Variants in SH3RF3 observed in about 807,000 individuals in gnomAD.
SH3RF3 encodes E3 ubiquitin-protein ligase SH3RF3.
In SH3RF3, 29 loss-of-function variants were observed where a neutral mutation model predicts 66.3. The observed-to-expected ratio is 0.44, with a 90% CI of 0.33 to 0.60. The LOEUF is 0.60. SH3RF3 is among the 20% of genes least tolerant of loss of function. The probability of loss-of-function intolerance (pLI) is 0.04; values close to 1 mark genes in which losing one functional copy is unlikely to be tolerated. For missense variants in SH3RF3, 1,194 were observed against 1,190.9 expected (o/e 1.00, Z -0.04); for synonymous variants, 583 against 532.0 (o/e 1.10, Z -1.32).
chr2:109,141,985 G>T (rs564861186), intron 1 of SH3RF3, among the ~76,000 whole-genome samples: 69 of 152,160 alleles, frequency 4.5e-4, no homozygotes, highest in African/African-American at 1.6e-3. Context: ...CTCCTCTGGT[G>T]TGTGGCCATC....
chr2:109,396,704 T>C (rs1676157473), intron 3 of SH3RF3, among the ~76,000 whole-genome samples: 1 of 152,232 alleles, frequency 6.6e-6, no homozygotes. Flanking sequence ...ACTTGACTCC[T>C]GGTAGGTGTG....
At chr2:109,254,528 C>T (rs2105270165) in intron 1 of SH3RF3, among the ~76,000 whole-genome samples, 1 of 152,310 alleles carries the variant, frequency 6.6e-6, no homozygotes, top group African/African-American at 2.4e-5. Context: ...AGCTGATGTA[C>T]CTGGGTCTGG....
chr2:109,378,026 T>C (rs1683429745), intron 3 of SH3RF3, among the ~76,000 whole-genome samples: 1 of 152,240 alleles, frequency 6.6e-6, no homozygotes, highest in South Asian at 2.1e-4. Flanking sequence ...GATTTGCCAT[T>C]TTACCTTGGT....
At chr2:109,276,916 G>T (rs917204334) in intron 1 of SH3RF3, among the ~76,000 whole-genome samples, 1 of 152,114 alleles carries the variant, frequency 6.6e-6, no homozygotes, top group African/African-American at 2.4e-5. Flanking sequence ...GATGACCAAG[G>T]TTCATGTTTC....
chr2:109,202,152 G>A (rs1678690790), intron 1 of SH3RF3, among the ~76,000 whole-genome samples: 1 of 152,170 alleles, frequency 6.6e-6, no homozygotes, highest in Non-Finnish European at 1.5e-5. Flanking sequence ...CGCACTTACA[G>A]CTTGTAGATG....
At chr2:109,312,901 G>C (rs139250912) in intron 1 of SH3RF3, among the ~76,000 whole-genome samples, 1 of 152,118 alleles carries the variant, frequency 6.6e-6, no homozygotes, top group Admixed American at 6.5e-5. Context: ...GGACTTGCTG[G>C]GTCACGTGGT....
intron 1 of SH3RF3, among the ~76,000 whole-genome samples, chr2:109,340,634 A>G (rs1682537158): frequency 1.3e-5 from 2 of 152,176 alleles, no homozygotes; most frequent in South Asian, 2.1e-4. Flanking sequence ...GTCCTGGAAC[A>G]TCTGTTTGCC....
At chr2:109,295,663 G>A (rs1331529934) in intron 1 of SH3RF3, among the ~76,000 whole-genome samples, 2,359 of 152,322 alleles carry the variant, frequency 0.015, 48 homozygotes, top group African/African-American at 0.054. Context: ...ACAGGGGCCT[G>A]CTGCCTGGTT....
At chr2:109,143,193 A>AT (rs1676999787) in intron 1 of SH3RF3, among the ~76,000 whole-genome samples, 1 of 152,240 alleles carries the variant, frequency 6.6e-6, no homozygotes, top group Admixed American at 6.5e-5. Flanking sequence ...TGGTGCATAT[A>AT]GAAAAATTGT....
intron 1 of SH3RF3, among the ~76,000 whole-genome samples, chr2:109,302,508 A>C (rs1358975258): frequency 9.9e-5 from 15 of 152,234 alleles, no homozygotes. Flanking sequence ...CTCTGCCTGC[A>C]CCGAAGATGC....
chr2:109,368,708 TAA>T (rs372666198), intron 2 of SH3RF3, among the ~76,000 whole-genome samples: 5 of 136,776 alleles, frequency 3.7e-5, no homozygotes, highest in Admixed American at 7.4e-5. Context: ...GTATTTTCTT[TAA>T]AAAAAAAAAA....
chr2:109,303,523 C>T (rs145362290), intron 1 of SH3RF3, among the ~76,000 whole-genome samples: 1 of 152,244 alleles, frequency 6.6e-6, no homozygotes, highest in Non-Finnish European at 1.5e-5. Context: ...TAAGGTGACC[C>T]TGCAATGGTC....
chr2:109,382,259 C>T (rs1315687937), intron 3 of SH3RF3, among the ~76,000 whole-genome samples: 1 of 152,162 alleles, frequency 6.6e-6, no homozygotes, highest in African/African-American at 2.4e-5. Flanking sequence ...ACCATAGGGT[C>T]TGTCTTAGTT....
chr2:109,390,482 T>C (rs1405838846), intron 3 of SH3RF3, among the ~76,000 whole-genome samples: 1 of 151,702 alleles, frequency 6.6e-6, no homozygotes, highest in Non-Finnish European at 1.5e-5. Context: ...CAGGTCTTAA[T>C]ACTGAAATGA....
chr2:109,144,078 G>A (rs1431310973), intron 1 of SH3RF3, among the ~76,000 whole-genome samples: 1 of 152,196 alleles, frequency 6.6e-6, no homozygotes, highest in Non-Finnish European at 1.5e-5. Context: ...TTGTCAAAGA[G>A]TAACACTTTC....
At chr2:109,355,919 G>C (rs1682937030) in intron 2 of SH3RF3, among the ~76,000 whole-genome samples, 1 of 152,188 alleles carries the variant, frequency 6.6e-6, no homozygotes, top group African/African-American at 2.4e-5. Flanking sequence ...GGACAAATCA[G>C]AGTCCTGTTG....
intron 1 of SH3RF3, among the ~76,000 whole-genome samples, chr2:109,228,053 A>G (rs1679412337): frequency 1.3e-5 from 2 of 152,220 alleles, no homozygotes; most frequent in South Asian, 4.1e-4. Flanking sequence ...AGTGATGCCC[A>G]GACACAGGTA....
intron 7 of SH3RF3, among the ~76,000 whole-genome samples, chr2:109,440,159 C>G (rs1677521438): frequency 6.6e-6 from 1 of 152,172 alleles, no homozygotes; most frequent in Non-Finnish European, 1.5e-5. Flanking sequence ...TGAAGCAAAG[C>G]TATGGAAGAA....
intron 1 of SH3RF3, among the ~76,000 whole-genome samples, chr2:109,160,125 A>G (rs1201979130): frequency 6.6e-6 from 1 of 152,122 alleles, no homozygotes. Flanking sequence ...ATGGGCCCAG[A>G]GTGTCAGACC....
Sources: allele counts gnomAD v4.1 joint callset (sites outside exome capture counted in the v4.1 genomes callset), GRCh38; gene constraint gnomAD v4.1.1; transcripts MANE v1.5; gene names NCBI Gene and HGNC (gene_info 2026-07-23, HGNC 2026-07-21).